The following ZNF236 variants were observed in gnomAD, a reference collection of about 807,000 sequenced individuals.
ZNF236 encodes the protein zinc finger protein 236.
In ZNF236, 50 loss-of-function variants were observed where a neutral mutation model predicts 191.2. The ratio of observed to expected loss-of-function variants is 0.26; its 90% CI spans 0.21 to 0.33. The LOEUF is 0.33. Among genes scored for constraint, ZNF236 ranks in the 10% least tolerant of loss-of-function variants. The pLI is 1.00. For missense variants in ZNF236, 1,754 were observed against 2,374.5 expected (o/e 0.74, Z 5.43); for synonymous variants, 907 against 928.8 (o/e 0.98, Z 0.43).
intron 1 of ZNF236, among the ~76,000 whole-genome samples, chr18:76,828,127 G>A (rs916687732): frequency 6.6e-6 from 1 of 151,962 alleles, no homozygotes; most frequent in African/African-American, 2.4e-5. Context: ...AGAGCCCAAG[G>A]GGAGGCACCA....
intron 1 of ZNF236, among the ~76,000 whole-genome samples, chr18:76,841,562 G>A (rs902928816): frequency 4.6e-5 from 7 of 152,120 alleles, no homozygotes; most frequent in Admixed American, 1.3e-4. Flanking sequence ...TGATAATTGG[G>A]TACTTTGGCT....
chr18:76,922,329 G>A (rs1056663434), intron 20 of ZNF236, among the ~76,000 whole-genome samples: 3 of 152,160 alleles, frequency 2.0e-5, no homozygotes, highest in African/African-American at 4.8e-5. Flanking sequence ...CAGAGACTCC[G>A]AGTGCCTGTT....
At position 76,925,125 on chromosome 18, in the gene ZNF236, T is replaced by TG; in HGVS notation, c.3662-60dup. 6.4e-7 allele frequency: 1 copy of TG among 1,562,072 alleles called. No homozygotes were observed. The highest frequency in any genetic ancestry group is 8.7e-7 in the Non-Finnish European group (1 of 1,154,646). Reference sequence around the variant, plus strand: ...ATTTACATCCATAGTGACAGCTGAGTGGGGTGGGGGTGAGTGTCGCGACTG... The same window carrying TG: ...ATTTACATCCATAGTGACAGCTGAGTGGGGGTGGGGGTGAGTGTCGCGACTG... On this transcript the variant is annotated intron_variant, in intron 21 of 30. Coordinates refer to ENST00000320610, the MANE Select transcript of ZNF236 (RefSeq NM_001306089.2). This position sits in a 1 kb window ranked among gnomAD's most constrained non-coding sequence, Gnocchi z 5.7.
At chr18:76,965,917 G>T (rs1424440104) in intron 30 of ZNF236, among the ~76,000 whole-genome samples, 1 of 152,226 alleles carries the variant, frequency 6.6e-6, no homozygotes, top group East Asian at 1.9e-4. Flanking sequence ...GTATAGGGAG[G>T]AACAGGTGGT....
At position 76,875,808 on chromosome 18, in the gene ZNF236, C is replaced by T. The variant is rs1599355242; in HGVS notation, c.840+144C>T. The T allele has an allele frequency of 7.9e-6, 7 of 891,086 alleles. No homozygotes were observed. In the East Asian group the frequency reaches 1.9e-4, roughly 25 times the overall value. The allele number at this position is 891,086 out of a possible 1,614,324, so 55.2% of individuals were successfully genotyped here. A position where few individuals can be genotyped will look rare whatever the true frequency, so the allele number is the denominator to read the frequency against. On this transcript the variant is annotated intron_variant, in intron 6 of 30. Transcript: ENST00000320610. The surrounding 1 kb of genome is among the most constrained non-coding windows in gnomAD (Gnocchi z 4.3). ...CGAGCAGACCCTGTTTTAAAAAATA[C>T]ATACGTGGGAATTTTTTTGGTTTAT...
rs1967115077 is a variant in ZNF236 at position 76,908,371 on chromosome 18, T to A, written c.2349T>A (p.Asp783Glu). 1.2e-6 allele frequency: 2 copies of A among 1,614,210 alleles called. No homozygotes were observed. The highest frequency in any genetic ancestry group is 1.7e-6 in the Non-Finnish European group (2 of 1,180,052). The change falls in exon 14 of 31, where the codon GAT becomes GAA. Residue 783 changes from aspartate to glutamate, a missense_variant. Transcript: ENST00000320610. ...LQQHQQAASI[D>E]DSTVDQQSMQ... ...AGCATCAGCAGGCAGCCTCGATAGATGACAGCACTGTAGACCAGCAGAGCA... is the reference window on the plus strand; with the variant it reads ...AGCATCAGCAGGCAGCCTCGATAGAAGACAGCACTGTAGACCAGCAGAGCA...
At chr18:76,897,776 T>C (rs1977477376) in intron 10 of ZNF236, among the ~76,000 whole-genome samples, 1 of 151,622 alleles carries the variant, frequency 6.6e-6, no homozygotes, top group Non-Finnish European at 1.5e-5. Context: ...CAATAGGTAC[T>C]GCACACAGTA....
intron 1 of ZNF236, among the ~76,000 whole-genome samples, chr18:76,828,709 C>G (rs1975080894): frequency 1.3e-5 from 2 of 152,184 alleles, no homozygotes; most frequent in African/African-American, 4.8e-5. Context: ...CTCTGTTGCC[C>G]AGGCTGGTAT....
At chr18:76,841,567 T>G (rs984962501) in intron 1 of ZNF236, among the ~76,000 whole-genome samples, 2 of 152,238 alleles carry the variant, frequency 1.3e-5, no homozygotes, top group Non-Finnish European at 2.9e-5. Flanking sequence ...ATTGGGTACT[T>G]TGGCTTGGCT....
rs533117883 is a variant in ZNF236, at chr18:76,871,686, C to T, written c.543-15C>T. The T allele has an allele frequency of 6.2e-7, 1 of 1,613,682 alleles. No individual in the cohort carries two copies. Among genetic ancestry groups the T allele is most frequent in the Non-Finnish European group, 8.5e-7 (1 of 1,179,842 alleles). ...GACATCTTACTGTGTATTTTGCCCC[C>T]CTTTATTACACTAGGGTATCAAGTA... On this transcript the variant is annotated splice_polypyrimidine_tract_variant and intron_variant, in intron 4 of 30. Transcript: ENST00000320610.
At chr18:76,937,104 C>T in intron 25 of ZNF236, 52 bp from the exon 26 acceptor site, 1 of 1,570,236 alleles carries the variant, frequency 6.4e-7, no homozygotes, top group Non-Finnish European at 8.7e-7. Context: ...TGCCCTTACA[C>T]CTGGACTTGT....
At chr18:76,824,339 G>A in intron 1 of ZNF236, 1 of 781,120 alleles carries the variant, frequency 1.3e-6, no homozygotes, top group South Asian at 1.3e-5. Flanking sequence ...AGGCGTTTCA[G>A]CGAGCTTTCG....
At chr18:76,931,573 A>G (rs1033386378) in intron 25 of ZNF236, among the ~76,000 whole-genome samples, 3 of 152,072 alleles carry the variant, frequency 2.0e-5, no homozygotes, top group Non-Finnish European at 4.4e-5. Flanking sequence ...GAAGACTCTT[A>G]CTTAGCTCAT....
Position 76,960,687 on chromosome 18 carries a change from C to T in ZNF236, c.5251C>T (p.Pro1751Ser). 6.2e-7 allele frequency: 1 copy of T among 1,614,190 alleles called. No individual in the cohort carries two copies. Among genetic ancestry groups the T allele is most frequent in the Non-Finnish European group, 8.5e-7 (1 of 1,180,034 alleles). The change falls in exon 30 of 31, where the codon CCG (proline) becomes TCG (serine). Residue 1751 changes from proline to serine, a missense_variant. Pro to Ser is a moderately conservative substitution (Grantham distance 74). Transcript: ENST00000320610. The surrounding 1 kb of genome is among the most constrained non-coding windows in gnomAD (Gnocchi z 4.4). ...RHSRIHTGERPFHCTLCEKAF... is the reference protein window; with the variant it reads ...RHSRIHTGERSFHCTLCEKAF... ...TGCCATTTTCTGTACAGGGGAGCGG[C>T]CGTTCCATTGCACGCTTTGTGAGAA...
chr18:76,860,017 C>T (rs1274833100), intron 3 of ZNF236, among the ~76,000 whole-genome samples: 1 of 152,100 alleles, frequency 6.6e-6, no homozygotes, highest in Non-Finnish European at 1.5e-5. Flanking sequence ...GTCTGCTTTC[C>T]ACCGCTCAGC....
chr18:76,839,702 A>G (rs1030218032), intron 1 of ZNF236, among the ~76,000 whole-genome samples: 6 of 151,930 alleles, frequency 3.9e-5, no homozygotes, highest in Non-Finnish European at 7.4e-5. Flanking sequence ...ACCTTTCAAG[A>G]TGCATGTTTT....
chr18:76,949,043 G>A (rs1968341906), intron 27 of ZNF236, among the ~76,000 whole-genome samples: 1 of 152,154 alleles, frequency 6.6e-6, no homozygotes, highest in East Asian at 1.9e-4. Flanking sequence ...CCTCAGGCCT[G>A]GTGAGGTAAC....
intron 11 of ZNF236, among the ~76,000 whole-genome samples, chr18:76,901,776 A>G (rs563637095): frequency 6.6e-6 from 1 of 152,242 alleles, no homozygotes; most frequent in East Asian, 1.9e-4. Flanking sequence ...AAAAAGTCTG[A>G]TAATTTAATA....
At chr18:76,856,492 A>G (rs1218205249) in intron 3 of ZNF236, among the ~76,000 whole-genome samples, 1 of 152,008 alleles carries the variant, frequency 6.6e-6, no homozygotes, top group Non-Finnish European at 1.5e-5. Context: ...CAGCCATCCC[A>G]TTTTCAATAC....
Sources: gnomAD v4.1 joint callset for allele counts (sites outside exome capture counted in the v4.1 genomes callset) on GRCh38, gnomAD v4.1.1 for gene constraint, Gnocchi (gnomAD v3.1) non-coding constraint, MANE v1.5 for transcripts, NCBI Gene and HGNC (gene_info 2026-07-23, HGNC 2026-07-21) for gene names.